CTNND2: variants seen among roughly 807,000 people sequenced by gnomAD.
CTNND2 encodes the protein catenin delta 2, also known as catenin delta-2.
Under a neutral mutation model 144.4 loss-of-function variants are expected in CTNND2, and 22 were observed. That is an observed-to-expected ratio of 0.15 (90% CI 0.11 to 0.22). The LOEUF (loss-of-function observed/expected upper bound fraction) is 0.22, where lower values mean the gene tolerates loss of function less well. CTNND2 is among the 10% of genes least tolerant of loss of function. The probability of loss-of-function intolerance (pLI) is 1.00; values close to 1 mark genes in which losing one functional copy is unlikely to be tolerated. For synonymous variants in CTNND2, 751 were observed against 695.6 expected, an observed-to-expected ratio of 1.08 and a Z score of -1.25; for missense variants, 1,353 against 1,618.8, an observed-to-expected ratio of 0.84 and a Z score of 2.82.
At chr5:11,636,141 T>A (rs182220367) in intron 2 of CTNND2, among the ~76,000 whole-genome samples, 85 of 147,538 alleles carry the variant, frequency 5.8e-4, no homozygotes, top group African/African-American at 1.6e-3. Flanking sequence ...TAAACAATCC[T>A]AGGAGACATG....
chr5:11,716,239 T>A (rs1561724644), intron 2 of CTNND2, among the ~76,000 whole-genome samples: 1 of 152,216 alleles, frequency 6.6e-6, no homozygotes, highest in Non-Finnish European at 1.5e-5. Context: ...TCATAATGTT[T>A]CTTGAAAAAT....
At chr5:11,308,145 T>C (rs921163822) in intron 9 of CTNND2, among the ~76,000 whole-genome samples, 3 of 152,172 alleles carry the variant, frequency 2.0e-5, no homozygotes, top group African/African-American at 7.2e-5. Context: ...GGCATTTTGT[T>C]ACAGCAGCCC....
At chr5:11,052,220 C>T (rs1281991869) in intron 16 of CTNND2, among the ~76,000 whole-genome samples, 1 of 151,906 alleles carries the variant, frequency 6.6e-6, no homozygotes, top group African/African-American at 2.4e-5. Flanking sequence ...TATCATCTGG[C>T]TTTTTTTTCC....
intron 1 of CTNND2, among the ~76,000 whole-genome samples, chr5:11,798,423 ATG>A (rs1159740716): frequency 3.3e-5 from 5 of 152,284 alleles, no homozygotes; most frequent in African/African-American, 9.6e-5. Flanking sequence ...GCCAGTGTGC[ATG>A]TGTGTGTATG....
chr5:11,577,279 A>G (rs1327508589), intron 2 of CTNND2, among the ~76,000 whole-genome samples: 1 of 152,248 alleles, frequency 6.6e-6, no homozygotes, highest in Non-Finnish European at 1.5e-5. Flanking sequence ...AAGGTGCTGA[A>G]TGACGCAGTC....
chr5:11,793,606 C>A (rs1791251640), intron 1 of CTNND2, among the ~76,000 whole-genome samples: 1 of 152,212 alleles, frequency 6.6e-6, no homozygotes, highest in African/African-American at 2.4e-5. Flanking sequence ...ATGCTGCCAC[C>A]AGCCAAGGAA....
Position 11,366,825 on chromosome 5 carries a change from C to G in CTNND2, c.1178-1935G>C, listed in dbSNP as rs1303191344. ...CAATGATGACCAATGAGAGGATCTG[C>G]TGAACTTTTAAGTGGTAACATGGTC... On this transcript the variant is annotated intron_variant, in intron 7 of 21. Transcript: ENST00000304623. Among the ~76,000 whole-genome samples the G allele has an allele frequency of 5.3e-5, 8 of 152,120 alleles. No individual in the cohort carries two copies. In the East Asian group the frequency reaches 1.3e-3, roughly 26 times the overall value.
intron 2 of CTNND2, among the ~76,000 whole-genome samples, chr5:11,709,560 C>T (rs187406851): frequency 6.6e-6 from 1 of 152,256 alleles, no homozygotes; most frequent in Admixed American, 6.5e-5. Flanking sequence ...TAATCCCAAA[C>T]AGTTAGTTAT....
chr5:11,143,235 TC>T (rs1756919782), intron 12 of CTNND2, among the ~76,000 whole-genome samples: 1 of 152,136 alleles, frequency 6.6e-6, no homozygotes, highest in South Asian at 2.1e-4. Flanking sequence ...TCCTAGAAAC[TC>T]TCCATGACTT....
chr5:11,242,884 T>C (rs1742599353), intron 9 of CTNND2, among the ~76,000 whole-genome samples: 1 of 152,152 alleles, frequency 6.6e-6, no homozygotes, highest in South Asian at 2.1e-4. Flanking sequence ...TGGATCAATA[T>C]ATAAAGAATA....
chr5:11,631,512 A>T (rs994372112), intron 2 of CTNND2, among the ~76,000 whole-genome samples: 2 of 150,570 alleles, frequency 1.3e-5, no homozygotes. Flanking sequence ...TTGCTAATCA[A>T]TGTGAGAGAA....
At chr5:11,603,506 C>T (rs756420633) in intron 2 of CTNND2, among the ~76,000 whole-genome samples, 2 of 152,086 alleles carry the variant, frequency 1.3e-5, no homozygotes, top group Admixed American at 6.6e-5. Flanking sequence ...CTGCCACATT[C>T]CTGCTTTGAC....
chr5:11,847,697 T>C (rs1206395072), intron 1 of CTNND2, among the ~76,000 whole-genome samples: 1 of 152,148 alleles, frequency 6.6e-6, no homozygotes, highest in African/African-American at 2.4e-5. Context: ...GCTTTGTTCA[T>C]TATACTATGT....
chr5:11,718,815 T>C (rs1786503127), intron 2 of CTNND2, among the ~76,000 whole-genome samples: 1 of 152,128 alleles, frequency 6.6e-6, no homozygotes, highest in African/African-American at 2.4e-5. Context: ...TATTATTTTT[T>C]CTCTACCAAA....
rs2149475795 is a variant in CTNND2, at chr5:10,973,421, G to A, written c.*32C>T. On this transcript the variant is annotated 3_prime_UTR_variant, in exon 22 of 22. Coordinates refer to ENST00000304623, the MANE Select transcript of CTNND2 (RefSeq NM_001332.4). This position sits in a 1 kb window ranked among gnomAD's most constrained non-coding sequence, Gnocchi z 5.6. Reference sequence around the variant, plus strand: ...AATGTCTTGTGGTATGCATGCACATGCACTGTTCCCGGAGCGCCTGTGCCC... The same window carrying A: ...AATGTCTTGTGGTATGCATGCACATACACTGTTCCCGGAGCGCCTGTGCCC... 5.9e-6 allele frequency: 9 copies of A among 1,533,782 alleles called. No homozygotes were observed. The highest frequency in any genetic ancestry group is 7.9e-6 in the Non-Finnish European group (9 of 1,142,102).
rs576273696 is a variant in CTNND2 at position 11,842,592 on chromosome 5, G to A, written c.37+61225C>T. 2.9e-4 allele frequency among the ~76,000 whole-genome samples: 44 copies of A among 151,802 alleles called. No homozygotes were observed. The South Asian group carries it at 8.6e-3, about 30-fold the overall frequency. ...AAATTAGCCGGGCACGGTGGCGGGC[G>A]CCTGTAGTCCCAGCTACTCAGGAGG... On this transcript the variant is annotated intron_variant, in intron 1 of 21. Coordinates refer to ENST00000304623, the MANE Select transcript of CTNND2 (RefSeq NM_001332.4).
intron 3 of CTNND2, among the ~76,000 whole-genome samples, chr5:11,521,786 C>T (rs1010752937): frequency 6.6e-6 from 1 of 152,150 alleles, no homozygotes; most frequent in Non-Finnish European, 1.5e-5. Context: ...AATCGATGCT[C>T]GTTGAGTGAA....
At chr5:11,184,526 G>A (rs1735424162) in intron 11 of CTNND2, among the ~76,000 whole-genome samples, 1 of 152,150 alleles carries the variant, frequency 6.6e-6, no homozygotes, top group African/African-American at 2.4e-5. Context: ...ATAATTTTAA[G>A]TGCTAACTGT....
At chr5:11,802,177 C>T (rs534262362) in intron 1 of CTNND2, among the ~76,000 whole-genome samples, 1 of 151,944 alleles carries the variant, frequency 6.6e-6, no homozygotes, top group East Asian at 1.9e-4. Flanking sequence ...GGGGCTGAGG[C>T]AGGAGAATCG....
Sources: allele counts gnomAD v4.1 joint callset (sites outside exome capture counted in the v4.1 genomes callset), GRCh38; gene constraint gnomAD v4.1.1; non-coding constraint Gnocchi (gnomAD v3.1); transcripts MANE v1.5; gene names NCBI Gene and HGNC (gene_info 2026-07-23, HGNC 2026-07-21).